Variants in COPS7B observed in about 807,000 individuals in gnomAD.
The protein encoded by COPS7B is COP9 signalosome subunit 7B.
Under a neutral mutation model 33.4 loss-of-function variants are expected in COPS7B, and 9 were observed. The ratio of observed to expected loss-of-function variants is 0.27; its 90% confidence interval spans 0.16 to 0.47. The LOEUF is 0.47. Among genes scored for constraint, COPS7B ranks in the 20% least tolerant of loss-of-function variants. The pLI is 0.99. For synonymous variants in COPS7B, 119 were observed against 126.3 expected, an observed-to-expected ratio of 0.94 and a Z score of 0.39; for missense variants, 242 against 318.2, an observed-to-expected ratio of 0.76 and a Z score of 1.82.
Position 231,798,816 on chromosome 2 carries a change from C to T in COPS7B, c.531-43C>T, listed in dbSNP as rs369741929. On this transcript the variant is annotated intron_variant, in intron 5 of 6. Coordinates refer to ENST00000350033, the MANE Select transcript of COPS7B (RefSeq NM_022730.4). ...ATATTTCTGAGCCTGGAAGAGACTT[C>T]CCAGGCCATTCTGCAGCTCAGGGCT... 3.5e-5 allele frequency: 54 copies of T among 1,529,646 alleles called. No individual in the cohort carries two copies. The African/African-American group carries it at 7.1e-4, about 20-fold the overall frequency. The allele number at this position is 1,529,646 out of a possible 1,614,324, so 94.8% of individuals were successfully genotyped here. A position where few individuals can be genotyped will look rare whatever the true frequency, so the allele number is the denominator to read the frequency against.
chr2:231,803,891 C>T (rs1347203530), intron 6 of COPS7B, among the ~76,000 whole-genome samples: 1 of 152,160 alleles, frequency 6.6e-6, no homozygotes, highest in Non-Finnish European at 1.5e-5. Context: ...TTGAACTGGT[C>T]AGTTGCTGAG....
chr2:231,804,186 G>A (rs1183532926), intron 6 of COPS7B, among the ~76,000 whole-genome samples: 1 of 152,032 alleles, frequency 6.6e-6, no homozygotes, highest in African/African-American at 2.4e-5. Context: ...CAGGGGTTAT[G>A]AGACTGTCAG....
chr2:231,803,690 C>T (rs770601807), intron 6 of COPS7B, among the ~76,000 whole-genome samples: 32 of 152,048 alleles, frequency 2.1e-4, no homozygotes, highest in Non-Finnish European at 3.2e-4. Context: ...AGGGAGGCTG[C>T]GTTATGGTAG....
chr2:231,797,256 C>T (rs1455958829), intron 5 of COPS7B, among the ~76,000 whole-genome samples: 1 of 152,136 alleles, frequency 6.6e-6, no homozygotes, highest in Non-Finnish European at 1.5e-5. Context: ...CCTGATGTCC[C>T]CTGAGTTTCC....
Position 231,796,317 on chromosome 2 carries a change from A to T in COPS7B, c.530+9A>T, listed in dbSNP as rs771027923. On this transcript the variant is annotated intron_variant, in intron 5 of 6. Transcript: ENST00000350033. ...AAGACCCTGCATGAATGGTGAGGCT[A>T]AAAGGAGGAGGGGGATATCTAGCAT... 9 of 1,612,014 alleles carry T rather than the reference A, an allele frequency of 5.6e-6. No individual in the cohort carries two copies. Among genetic ancestry groups the T allele is most frequent in the Middle Eastern group, 1.7e-4 (1 of 5,742 alleles).
At chr2:231,791,292 C>G in intron 2 of COPS7B, 1 of 174,032 alleles carries the variant, frequency 5.7e-6, no homozygotes, top group South Asian at 1.3e-4. Flanking sequence ...TCATAGTCCA[C>G]GTGTAGTCCT....
chr2:231,781,933 A>C (rs768769146), upstream of COPS7B: 1 of 1,508,384 alleles, frequency 6.6e-7, no homozygotes, highest in Non-Finnish European at 9.0e-7. Flanking sequence ...GTGAAAGAGA[A>C]CAAAATGACT....
chr2:231,786,883 C>T (rs1269299248), intron 1 of COPS7B, among the ~76,000 whole-genome samples: 1 of 152,250 alleles, frequency 6.6e-6, no homozygotes, highest in East Asian at 1.9e-4. Flanking sequence ...GGCCCTCCCA[C>T]TCCAGAAGAA....
At chr2:231,797,830 A>T (rs1223588246) in intron 5 of COPS7B, among the ~76,000 whole-genome samples, 2 of 152,238 alleles carry the variant, frequency 1.3e-5, no homozygotes, top group Non-Finnish European at 2.9e-5. Context: ...ATTAGGAAGT[A>T]ACTTAAACTT....
chr2:231,792,365 G>A (rs749367007), intron 3 of COPS7B: 11 of 248,986 alleles, frequency 4.4e-5, no homozygotes, highest in South Asian at 1.3e-4. Flanking sequence ...GGTGGTGGGC[G>A]CCTGTAATCC....
chr2:231,799,001 G>A, intron 6 of COPS7B, 37 bp downstream of exon 6: 2 of 1,550,492 alleles, frequency 1.3e-6, no homozygotes, highest in Non-Finnish European at 1.8e-6. Flanking sequence ...CTCTCTCCAG[G>A]CATACCTGTT....
rs1055294316 is a variant in COPS7B at position 231,808,204 on chromosome 2, CTG to C, written c.*563_*564del. 9.2e-6 allele frequency: 3 copies of C among 325,084 alleles called. No homozygotes were observed. The highest frequency in any genetic ancestry group is 6.7e-5 in the African/African-American group (3 of 44,480). 20.1% of individuals were successfully genotyped at this position (325,084 alleles called of 1,614,324 possible). A position where few individuals can be genotyped will look rare whatever the true frequency, so the allele number is the denominator to read the frequency against. ...GGCCGTGGAGGGACGTGATGCTGGGCTGTGTTTACTAAACCCACGGGTTTTCA... is the reference window on the plus strand; with the variant it reads ...GGCCGTGGAGGGACGTGATGCTGGGCTGTTTACTAAACCCACGGGTTTTCA... On this transcript the variant is annotated 3_prime_UTR_variant, in exon 7 of 7. Coordinates refer to ENST00000350033, the MANE Select transcript of COPS7B (RefSeq NM_022730.4).
chr2:231,791,661 C>A, intron 2 of COPS7B, 72 bp from the exon 3 acceptor site: 1 of 1,293,432 alleles, frequency 7.7e-7, no homozygotes, highest in South Asian at 1.2e-5. Flanking sequence ...CATGCTCACC[C>A]GTCCTCTGTT....
At chr2:231,787,212 GT>G (rs2049276105) in intron 1 of COPS7B, among the ~76,000 whole-genome samples, 1 of 151,894 alleles carries the variant, frequency 6.6e-6, no homozygotes, top group African/African-American at 2.4e-5. Flanking sequence ...GCACTTCATT[GT>G]TTTTCCTGTG....
rs1169810151 is a variant in COPS7B, at chr2:231,808,815, G to GTGTGTA, written c.*1175_*1176insATGTGT. 4.1e-6 allele frequency: 1 copy of GTGTGTA among 245,812 alleles called. No homozygotes were observed. Among genetic ancestry groups the GTGTGTA allele is most frequent in the African/African-American group, 2.4e-5 (1 of 42,106 alleles). 15.2% of individuals were successfully genotyped at this position (245,812 alleles called of 1,614,324 possible). A position where few individuals can be genotyped will look rare whatever the true frequency, so the allele number is the denominator to read the frequency against. On this transcript the variant is annotated 3_prime_UTR_variant, in exon 7 of 7. Transcript: ENST00000350033. ...TGGGGTGGGGTGTGTGTGTGTGTGT[G>GTGTGTA]TGTGTGTGTGTGTGTGTGTGTGTGT...
upstream of COPS7B, among the ~76,000 whole-genome samples, chr2:231,784,353 G>A (rs1182098616): frequency 2.6e-5 from 4 of 151,908 alleles, no homozygotes; most frequent in Admixed American, 6.6e-5. Context: ...GTGGTGGCAC[G>A]CACCTCTAGT....
chr2:231,785,942 A>C (rs2106302304), upstream of COPS7B: 1 of 152,364 alleles, frequency 6.6e-6, no homozygotes, highest in East Asian at 1.9e-4. Context: ...GGGTTTGACA[A>C]AGATAGCAAG....
At chr2:231,787,833 G>A (rs2049295390) in intron 1 of COPS7B, among the ~76,000 whole-genome samples, 1 of 152,200 alleles carries the variant, frequency 6.6e-6, no homozygotes, top group Non-Finnish European at 1.5e-5. Context: ...AGTGGGAGCT[G>A]TAACTGATTG....
chr2:231,804,070 CT>C (rs1425523105), intron 6 of COPS7B, among the ~76,000 whole-genome samples: 1 of 152,172 alleles, frequency 6.6e-6, no homozygotes, highest in Non-Finnish European at 1.5e-5. Context: ...CCGGTTGTCA[CT>C]TTCTGATAGG....
Sources: gnomAD v4.1 joint callset for allele counts (sites outside exome capture counted in the v4.1 genomes callset) on GRCh38, gnomAD v4.1.1 for gene constraint, MANE v1.5 for transcripts, NCBI Gene and HGNC (gene_info 2026-07-23, HGNC 2026-07-21) for gene names.